NRXN3: variants seen among roughly 807,000 people sequenced by gnomAD.
The protein encoded by NRXN3 is neurexin 3, also known as neurexin III.
NRXN3 carries 32 observed loss-of-function variants against 137.6 expected under a neutral mutation model. That is an observed-to-expected ratio of 0.23 (90% CI 0.18 to 0.31). The LOEUF is 0.31. NRXN3 is among the 10% of genes least tolerant of loss of function. The pLI, the probability that NRXN3 is intolerant of heterozygous loss-of-function variation, is 1.00. For synonymous variants in NRXN3, 798 were observed against 784.5 expected, an observed-to-expected ratio of 1.02 and a Z score of -0.29; for missense variants, 1,574 against 2,062.5, an observed-to-expected ratio of 0.76 and a Z score of 4.59.
chr14:78,576,749 G>T (rs1454388104), intron 4 of NRXN3, among the ~76,000 whole-genome samples: 1 of 152,180 alleles, frequency 6.6e-6, no homozygotes, highest in East Asian at 1.9e-4. Flanking sequence ...ATAGTTGGAA[G>T]GTACTGCAGG....
chr14:79,016,875 T>C (rs1177509799), intron 15 of NRXN3, among the ~76,000 whole-genome samples: 1 of 151,770 alleles, frequency 6.6e-6, no homozygotes, highest in African/African-American at 2.4e-5. Flanking sequence ...CTGCAGAGAG[T>C]AAACACAAGG....
In NRXN3 at chr14:78,436,273, T is replaced by C. The variant is rs535263931; in HGVS notation, c.757+138413T>C. Among the ~76,000 whole-genome samples, 4 of 152,338 alleles carry C rather than the reference T, an allele frequency of 2.6e-5. No individual in the cohort carries two copies. The South Asian group carries it at 8.3e-4, about 32-fold the overall frequency. ...GTATAATTGAGTATATTAGTAATGA[T>C]GCCAACCGCCCCCGTAATAATAAAC... is the stretch of plus-strand genomic sequence containing the variant. On this transcript the variant is annotated intron_variant, in intron 4 of 20. Transcript: ENST00000335750.
intron 17 of NRXN3, among the ~76,000 whole-genome samples, chr14:79,672,470 A>T (rs1035957827): frequency 6.6e-6 from 1 of 152,054 alleles, no homozygotes; most frequent in Non-Finnish European, 1.5e-5. Flanking sequence ...TGGGATTTTT[A>T]AAATTATACT....
At chr14:78,988,657 G>T (rs2099512163) in intron 15 of NRXN3, among the ~76,000 whole-genome samples, 1 of 152,128 alleles carries the variant, frequency 6.6e-6, no homozygotes, top group Non-Finnish European at 1.5e-5. Flanking sequence ...AATTAGCAAA[G>T]CTTAAAGCGT....
intron 15 of NRXN3, among the ~76,000 whole-genome samples, chr14:79,269,190 C>G (rs2078925967): frequency 6.6e-6 from 1 of 152,282 alleles, no homozygotes; most frequent in East Asian, 1.9e-4. Context: ...GCTGGGACTT[C>G]AGGTGCCCGC....
chr14:79,506,588 T>C (rs890103822), intron 16 of NRXN3, among the ~76,000 whole-genome samples: 4 of 152,200 alleles, frequency 2.6e-5, no homozygotes, highest in African/African-American at 9.6e-5. Flanking sequence ...TTGAAACTCC[T>C]TTGTCATTTT....
chr14:79,050,991 C>A lies in NRXN3; in HGVS notation c.3262+62850C>A, dbSNP rs560271605. ...GAACTCCTTTGAATATTTTACATAA[C>A]ATTAACTTAATCTTCACAATATCCT... On this transcript the variant is annotated intron_variant, in intron 15 of 20. Coordinates refer to ENST00000335750, the MANE Select transcript of NRXN3 (RefSeq NM_001330195.2). 2.8e-3 allele frequency among the ~76,000 whole-genome samples: 429 copies of A among 152,284 alleles called. 4 individuals carry two copies. Among genetic ancestry groups the A allele is most frequent in the African/African-American group, 9.3e-3 (387 of 41,550 alleles).
intron 16 of NRXN3, among the ~76,000 whole-genome samples, chr14:79,507,904 T>C (rs906794452): frequency 7.2e-5 from 11 of 152,180 alleles, no homozygotes; most frequent in African/African-American, 2.7e-4. Flanking sequence ...TGTGATGTCC[T>C]ACTGGGATGC....
intron 15 of NRXN3, among the ~76,000 whole-genome samples, chr14:79,132,926 C>G (rs965266908): frequency 6.6e-6 from 1 of 152,174 alleles, no homozygotes; most frequent in Non-Finnish European, 1.5e-5. Flanking sequence ...GCCAAGATGG[C>G]AAAGTCTTTC....
intron 17 of NRXN3, among the ~76,000 whole-genome samples, chr14:79,671,395 C>T (rs960565044): frequency 2.6e-5 from 4 of 152,098 alleles, no homozygotes; most frequent in South Asian, 2.1e-4. Flanking sequence ...GAATTCCCCC[C>T]TCAGGTTAAA....
At chr14:79,033,946 A>G (rs192285241) in intron 15 of NRXN3, among the ~76,000 whole-genome samples, 1 of 152,172 alleles carries the variant, frequency 6.6e-6, no homozygotes, top group East Asian at 1.9e-4. Flanking sequence ...AAATATTTCT[A>G]CCTTTCTCCT....
chr14:79,853,679 T>A (rs1402129263), intron 20 of NRXN3: 1 of 1,296,014 alleles, frequency 7.7e-7, no homozygotes, highest in Admixed American at 2.1e-5. Context: ...CATCTTTCCT[T>A]CCCATTCTCC....
chr14:78,770,850 TG>T (rs112537770), intron 8 of NRXN3, among the ~76,000 whole-genome samples: 1,638 of 150,882 alleles, frequency 0.011, 19 homozygotes, highest in East Asian at 0.033. Flanking sequence ...ATTTTGGGGT[TG>T]GGGGGGGTAC....
chr14:78,453,128 T>C (rs987116514), intron 4 of NRXN3, among the ~76,000 whole-genome samples: 4 of 152,192 alleles, frequency 2.6e-5, no homozygotes, highest in African/African-American at 4.8e-5. Flanking sequence ...GGAGTTCTCC[T>C]TTGTCCTCCT....
At chr14:78,507,481 G>A (rs767910986) in intron 4 of NRXN3, among the ~76,000 whole-genome samples, 5 of 152,142 alleles carry the variant, frequency 3.3e-5, no homozygotes, top group Non-Finnish European at 7.4e-5. Context: ...TAGTCCCACC[G>A]GTATGTGATG....
intron 6 of NRXN3, among the ~76,000 whole-genome samples, chr14:78,692,090 C>T (rs149961598): frequency 2.4e-3 from 368 of 152,228 alleles, no homozygotes; most frequent in South Asian, 0.012. Context: ...GAGGTAGAAA[C>T]GCTTTACTAT....
chr14:78,215,153 T>C (rs2153417102), intron 1 of NRXN3, among the ~76,000 whole-genome samples: 1 of 152,274 alleles, frequency 6.6e-6, no homozygotes, highest in East Asian at 1.9e-4. Context: ...TGGGGGTGGA[T>C]GGGGGTACTG....
At chr14:78,647,098 C>T (rs2097695545) in intron 5 of NRXN3, among the ~76,000 whole-genome samples, 1 of 152,210 alleles carries the variant, frequency 6.6e-6, no homozygotes, top group South Asian at 2.1e-4. Flanking sequence ...CCTTCCTTAC[C>T]ATTCTGGAAT....
chr14:79,721,374 C>T (rs1025605638), intron 19 of NRXN3, among the ~76,000 whole-genome samples: 1 of 152,066 alleles, frequency 6.6e-6, no homozygotes, highest in Non-Finnish European at 1.5e-5. Context: ...AGTGCACAGG[C>T]TTCTCAAGAG....
Sources: gnomAD v4.1 joint callset for allele counts (sites outside exome capture counted in the v4.1 genomes callset) on GRCh38, gnomAD v4.1.1 for gene constraint, MANE v1.5 for transcripts, NCBI Gene and HGNC (gene_info 2026-07-23, HGNC 2026-07-21) for gene names.